The following CCHCR1 variants were observed in gnomAD, a reference collection of about 807,000 sequenced individuals.
CCHCR1 encodes the protein HCR (a-helix coiled-coil rod homologue).
A neutral mutation model predicts 114.6 loss-of-function variants in CCHCR1; 91 were observed. The ratio of observed to expected loss-of-function variants is 0.79; its 90% CI spans 0.67 to 0.94. The LOEUF is 0.94. Ranked by LOEUF, CCHCR1 falls within the 40% of genes least tolerant of loss-of-function variation. The pLI is 0.00. For missense variants in CCHCR1, 899 were observed against 1,079.9 expected (o/e 0.83, Z 2.35); for synonymous variants, 379 against 428.5 (o/e 0.88, Z 1.43).
At position 31,145,799 on chromosome 6, in the gene CCHCR1, G is replaced by C. The variant is rs1230772247; in HGVS notation, c.1590C>G (p.Ile530Met). ...CCTTAGCCATGGTGGTCTCGAGCCA[G>C]ATCTGAGAGCTGGAGAGGGCACAAG... is the stretch of plus-strand genomic sequence containing the variant. ...LVVNAVSSSQ[I>M]WLETTMAKVE... The change falls in exon 11 of 18, where the codon ATC becomes ATG. Residue 530 changes from isoleucine (I) to methionine (M), a missense_variant. Transcript: ENST00000396268. The C allele has an allele frequency of 6.2e-7, 1 of 1,610,510 alleles. No individual in the cohort carries two copies. Among genetic ancestry groups the C allele is most frequent in the Non-Finnish European group, 8.5e-7 (1 of 1,177,704 alleles).
At position 31,148,386 on chromosome 6, in the gene CCHCR1, A is replaced by G. The variant is rs754250632; in HGVS notation, c.1580+19T>C. The G allele has an allele frequency of 9.8e-6, 14 of 1,422,096 alleles. No homozygotes were observed. The highest frequency in any genetic ancestry group is 1.4e-5 in the African/African-American group (1 of 70,804). 88.1% of individuals were successfully genotyped at this position (1,422,096 alleles called of 1,614,324 possible). A position where few individuals can be genotyped will look rare whatever the true frequency, so the allele number is the denominator to read the frequency against. ...AGGTGGCAGAAACACTACTCCACCC[A>G]CCCCTCCATCCCTGATACCTGCTGA... On this transcript the variant is annotated intron_variant, in intron 10 of 17. Coordinates refer to ENST00000396268, the MANE Select transcript of CCHCR1 (RefSeq NM_001105564.2).
chr6:31,154,661 C>T lies in CCHCR1; in HGVS notation c.636G>A (p.Glu212=). Residue 212 remains glutamate (E), a synonymous_variant, in exon 4 of 18, where the codon GAG becomes GAA. Transcript: ENST00000396268. This position sits in a 1 kb window ranked among gnomAD's most constrained non-coding sequence, Gnocchi z 4.1. The part of the protein sequence containing the change: ...ETSLQQKMRL[E]AQAMELEALA... ...GAGCCTCTAGCTCCATGGCCTGGGCCTCTAGCCTCATCTTCTGCTGCAGCG... is the reference window on the plus strand; with the variant it reads ...GAGCCTCTAGCTCCATGGCCTGGGCTTCTAGCCTCATCTTCTGCTGCAGCG... The T allele has an allele frequency of 6.2e-7, 1 of 1,612,076 alleles. No individual in the cohort carries two copies. The highest frequency in any genetic ancestry group is 1.1e-5 in the South Asian group (1 of 91,086).
In CCHCR1 at chr6:31,150,321, C is replaced by G; in HGVS notation, c.1213-106G>C. On this transcript the variant is annotated intron_variant, in intron 7 of 17. Transcript: ENST00000396268. The surrounding 1 kb of genome is among the most constrained non-coding windows in gnomAD (Gnocchi z 5.3). ...CCTGCCTGGGCAACATGAGCTACAGCAAGAGGAGTTCACAGGAAGGAGATC... is the reference window on the plus strand; with the variant it reads ...CCTGCCTGGGCAACATGAGCTACAGGAAGAGGAGTTCACAGGAAGGAGATC... The G allele has an allele frequency of 7.2e-7, 1 of 1,392,944 alleles. No individual in the cohort carries two copies. Among genetic ancestry groups the G allele is most frequent in the Non-Finnish European group, 1.0e-6 (1 of 997,666 alleles). The allele number at this position is 1,392,944 out of a possible 1,614,324, so 86.3% of individuals were successfully genotyped here.
In CCHCR1 at chr6:31,157,283, A is replaced by T. The variant is rs1478408932; in HGVS notation, c.216+102T>A. ...TTGTCTCAACCTGGTTCCTCATGGA[A>T]CCCAAGCAACTATCAAGTGGAGAGA... On this transcript the variant is annotated intron_variant, in intron 1 of 17. Coordinates refer to ENST00000396268, the MANE Select transcript of CCHCR1 (RefSeq NM_001105564.2). 2.8e-6 allele frequency: 3 copies of T among 1,080,740 alleles called. No individual in the cohort carries two copies. The Admixed American group carries it at 7.1e-5, about 25-fold the overall frequency. 66.9% of individuals were successfully genotyped at this position (1,080,740 alleles called of 1,614,324 possible).
At position 31,150,287 on chromosome 6, in the gene CCHCR1, C is replaced by G; in HGVS notation, c.1213-72G>C. ...GAGGAAGGAGGTGGCATCTTTGTTTCTCCTCTGTCCTGCCTGGGCAACATG... is the reference window on the plus strand; with the variant it reads ...GAGGAAGGAGGTGGCATCTTTGTTTGTCCTCTGTCCTGCCTGGGCAACATG... On this transcript the variant is annotated intron_variant, in intron 7 of 17. Coordinates refer to ENST00000396268, the MANE Select transcript of CCHCR1 (RefSeq NM_001105564.2). The surrounding 1 kb of genome is among the most constrained non-coding windows in gnomAD (Gnocchi z 5.3). 1 of 1,528,324 alleles carries G rather than the reference C, an allele frequency of 6.5e-7. No individual in the cohort carries two copies. The highest frequency in any genetic ancestry group is 1.8e-5 in the Admixed American group (1 of 56,390). The allele number at this position is 1,528,324 out of a possible 1,614,324, so 94.7% of individuals were successfully genotyped here. A position where few individuals can be genotyped will look rare whatever the true frequency, so the allele number is the denominator to read the frequency against.
intron 3 of CCHCR1, 183 bp downstream of exon 3, chr6:31,156,545 CTAT>C: frequency 1.8e-6 from 1 of 564,336 alleles, no homozygotes; most frequent in Non-Finnish European, 3.1e-6. Context: ...GTCTTATTCA[CTAT>C]TGTTATCCTC....
rs951612639 is a variant in CCHCR1, at chr6:31,144,287, G to A, written c.2167+400C>T. Among the ~76,000 whole-genome samples the A allele has an allele frequency of 4.6e-5, 7 of 151,998 alleles. No individual in the cohort carries two copies. Among genetic ancestry groups the A allele is most frequent in the East Asian group, 1.9e-4 (1 of 5,178 alleles). On this transcript the variant is annotated intron_variant, in intron 15 of 17. Transcript: ENST00000396268. The surrounding 1 kb of genome is among the most constrained non-coding windows in gnomAD (Gnocchi z 4.6). Reference sequence around the variant, plus strand: ...TGGCTCACTGCAGCCTCGACCTCCCGGGTTCATGTAGTCTTCCCACATCAG... The same window carrying A: ...TGGCTCACTGCAGCCTCGACCTCCCAGGTTCATGTAGTCTTCCCACATCAG...
At chr6:31,153,295 C>A (rs1180665490) in intron 4 of CCHCR1, among the ~76,000 whole-genome samples, 1 of 151,980 alleles carries the variant, frequency 6.6e-6, no homozygotes, top group Non-Finnish European at 1.5e-5. Flanking sequence ...TTCTAAGTTT[C>A]TTTCATAAAT....
rs868489984 is a variant in CCHCR1, at chr6:31,157,385, C to T, written c.216G>A (p.Arg72=). ...SSRDHRNLRR[R]GNIDGWRQNL... ...TCAGGATTCTGGGCAGTGCCTCTAC[C>T]CTCCTCCTTAAGTTTCTATGGTCCC... Residue 72 remains arginine (R), a splice_region_variant and synonymous_variant, in exon 1 of 18, where the codon AGG becomes AGA. Coordinates refer to ENST00000396268, the MANE Select transcript of CCHCR1 (RefSeq NM_001105564.2). 8 of 1,610,930 alleles carry T rather than the reference C, an allele frequency of 5.0e-6. No individual in the cohort carries two copies. The highest frequency in any genetic ancestry group is 6.8e-6 in the Non-Finnish European group (8 of 1,178,260).
Position 31,145,688 on chromosome 6 carries a change from C to T in CCHCR1, c.1693+8G>A, listed in dbSNP as rs770986557. On this transcript the variant is annotated splice_region_variant and intron_variant, in intron 11 of 17. Coordinates refer to ENST00000396268, the MANE Select transcript of CCHCR1 (RefSeq NM_001105564.2). ...GGGCAGGACGTGGCTCGCAGTTGTC[C>T]TACGCACCCCGAATGGTGTGGACCT... The T allele has an allele frequency of 6.2e-7, 1 of 1,606,390 alleles. No individual in the cohort carries two copies. Among genetic ancestry groups the T allele is most frequent in the African/African-American group, 1.3e-5 (1 of 74,854 alleles).
At position 31,143,522 on chromosome 6, in the gene CCHCR1, A is replaced by T; in HGVS notation, c.2168-109T>A. On this transcript the variant is annotated intron_variant, in intron 15 of 17. Transcript: ENST00000396268. This position sits in a 1 kb window ranked among gnomAD's most constrained non-coding sequence, Gnocchi z 5.3. The stretch of plus-strand genomic sequence containing the variant: ...GGGTCACCAACTCTGTGGCTTGGGG[A>T]GGCTGTTCTGCTCTGTGGATCTGTC... 2 of 1,178,600 alleles carry T rather than the reference A, an allele frequency of 1.7e-6. No homozygotes were observed. Among genetic ancestry groups the T allele is most frequent in the Non-Finnish European group, 2.4e-6 (2 of 835,212 alleles). 73.0% of individuals were successfully genotyped at this position (1,178,600 alleles called of 1,614,324 possible). A position where few individuals can be genotyped will look rare whatever the true frequency, so the allele number is the denominator to read the frequency against.
At position 31,145,677 on chromosome 6, in the gene CCHCR1, T is replaced by TC; in HGVS notation, c.1693+18dup. 6.3e-7 allele frequency: 1 copy of TC among 1,581,598 alleles called. No homozygotes were observed. Among genetic ancestry groups the TC allele is most frequent in the Non-Finnish European group, 8.7e-7 (1 of 1,150,458 alleles). ...TGGTGGGGTGGGGGCAGGACGTGGC[T>TC]CGCAGTTGTCCTACGCACCCCGAAT... On this transcript the variant is annotated intron_variant, in intron 11 of 17. Coordinates refer to ENST00000396268, the MANE Select transcript of CCHCR1 (RefSeq NM_001105564.2).
intron 4 of CCHCR1, among the ~76,000 whole-genome samples, chr6:31,152,923 C>T (rs1054049145): frequency 2.8e-4 from 42 of 152,208 alleles, no homozygotes; most frequent in African/African-American, 9.9e-4. Flanking sequence ...TGTTGTCCCA[C>T]CAAGTGTCTT....
chr6:31,154,936 G>A lies in CCHCR1; in HGVS notation c.498-137C>T. On this transcript the variant is annotated intron_variant, in intron 3 of 17. Coordinates refer to ENST00000396268, the MANE Select transcript of CCHCR1 (RefSeq NM_001105564.2). This position sits in a 1 kb window ranked among gnomAD's most constrained non-coding sequence, Gnocchi z 4.1. ...GAGGTGAAGGGGGTGCTGAAGCTGG[G>A]GTATGGGGATGTCTGCATTGACATC... 2.7e-6 allele frequency: 2 copies of A among 734,784 alleles called. No homozygotes were observed. Among genetic ancestry groups the A allele is most frequent in the Non-Finnish European group, 4.3e-6 (2 of 461,426 alleles). 45.5% of individuals were successfully genotyped at this position (734,784 alleles called of 1,614,324 possible). A position where few individuals can be genotyped will look rare whatever the true frequency, so the allele number is the denominator to read the frequency against.
Position 31,157,554 on chromosome 6 carries a change from G to C in CCHCR1, c.47C>G (p.Thr16Arg). The change falls in exon 1 of 18, where the codon ACA (threonine) becomes AGA (arginine). Residue 16 changes from threonine (T) to arginine (R), a missense_variant. By Grantham distance (71) the Thr-to-Arg change is moderately conservative. Transcript: ENST00000396268. Reference protein sequence around the residue: ...AGARPWASTLTGKDPRVMACW... With the variant: ...AGARPWASTLRGKDPRVMACW... ...GGCCATGACTCTTGGGTCCTTCCCT[G>C]TTAAAGTGCTGGCCCAAGGCCTGGC... 1 of 1,612,904 alleles carries C rather than the reference G, an allele frequency of 6.2e-7. No homozygotes were observed. Among genetic ancestry groups the C allele is most frequent in the Non-Finnish European group, 8.5e-7 (1 of 1,179,980 alleles).
Position 31,150,009 on chromosome 6 carries a change from T to C in CCHCR1, c.1362+57A>G. On this transcript the variant is annotated intron_variant, in intron 8 of 17. Transcript: ENST00000396268. The surrounding 1 kb of genome is among the most constrained non-coding windows in gnomAD (Gnocchi z 5.3). Reference sequence around the variant, plus strand: ...AACACTGGTTGAATGGATGCCACCTTCATGGAAGGAGCAAGGTGCTGGGAG... The same window carrying C: ...AACACTGGTTGAATGGATGCCACCTCCATGGAAGGAGCAAGGTGCTGGGAG... The C allele has an allele frequency of 6.3e-7, 1 of 1,590,834 alleles. No homozygotes were observed. The highest frequency in any genetic ancestry group is 2.2e-5 in the East Asian group (1 of 44,490).
intron 9 of CCHCR1, 47 bp from the exon 10 acceptor site, chr6:31,148,558 T>C: frequency 6.3e-7 from 1 of 1,593,384 alleles, no homozygotes; most frequent in Non-Finnish European, 8.6e-7. Context: ...AAGTCCTGGC[T>C]GCAGCCCCGG....
Position 31,150,315 on chromosome 6 carries a change from C to CTA in CCHCR1, c.1213-102_1213-101dup. 7.0e-7 allele frequency: 1 copy of CTA among 1,427,192 alleles called. No individual in the cohort carries two copies. The highest frequency in any genetic ancestry group is 9.7e-7 in the Non-Finnish European group (1 of 1,027,086). 88.4% of individuals were successfully genotyped at this position (1,427,192 alleles called of 1,614,324 possible). On this transcript the variant is annotated intron_variant, in intron 7 of 17. Transcript: ENST00000396268. The surrounding 1 kb of genome is among the most constrained non-coding windows in gnomAD (Gnocchi z 5.3). ...CTCTGTCCTGCCTGGGCAACATGAG[C>CTA]TACAGCAAGAGGAGTTCACAGGAAG...
chr6:31,154,701 A>G lies in CCHCR1; in HGVS notation c.596T>C (p.Leu199Pro). Reference protein sequence around the residue: ...ELRRLEEEVRLLRETSLQQKM... With the variant: ...ELRRLEEEVRPLRETSLQQKM... ...CTGCTGCAGCGAGGTCTCCCGCAGG[A>G]GCCGGACCTCCTCCTCCAGCCGCCG... Residue 199 changes from leucine to proline, a missense_variant, in exon 4 of 18, where the codon CTC becomes CCC. Transcript: ENST00000396268. The surrounding 1 kb of genome is among the most constrained non-coding windows in gnomAD (Gnocchi z 4.1). 1 of 1,610,020 alleles carries G rather than the reference A, an allele frequency of 6.2e-7. No homozygotes were observed. The highest frequency in any genetic ancestry group is 8.5e-7 in the Non-Finnish European group (1 of 1,179,936).
Sources: allele counts gnomAD v4.1 joint callset (sites outside exome capture counted in the v4.1 genomes callset), GRCh38; gene constraint gnomAD v4.1.1; non-coding constraint Gnocchi (gnomAD v3.1); transcripts MANE v1.5; gene names NCBI Gene and HGNC (gene_info 2026-07-23, HGNC 2026-07-21).